Variants in ACTA2 observed in about 807,000 individuals in gnomAD.
The protein encoded by ACTA2 is actin alpha 2, smooth muscle.
In ACTA2, 12 loss-of-function variants were observed where a neutral mutation model predicts 39.5. That is an observed-to-expected ratio of 0.30 (90% CI 0.19 to 0.49). The LOEUF is 0.49. Ranked by LOEUF, ACTA2 falls within the 20% of genes least tolerant of loss-of-function variation. The pLI is 0.99. For synonymous variants in ACTA2, 158 were observed against 180.6 expected, an observed-to-expected ratio of 0.88 and a Z score of 1.00; for missense variants, 236 against 498.8, an observed-to-expected ratio of 0.47 and a Z score of 5.02.
At chr10:88,977,276 C>T (rs910036359) in intron 1 of ACTA2, among the ~76,000 whole-genome samples, 1 of 151,490 alleles carries the variant, frequency 6.6e-6, no homozygotes, top group Admixed American at 6.6e-5. Flanking sequence ...AGGTTTTCTT[C>T]TAGGGTTTTT....
intron 8 of ACTA2, among the ~76,000 whole-genome samples, 177 bp downstream of exon 8, chr10:88,937,884 T>C (rs1254257399): frequency 6.6e-6 from 1 of 152,152 alleles, no homozygotes; most frequent in Non-Finnish European, 1.5e-5. Flanking sequence ...GTAACTCAAT[T>C]TTTCTTATGA....
At chr10:88,965,824 C>T (rs1266449178) in intron 1 of ACTA2, among the ~76,000 whole-genome samples, 1 of 152,154 alleles carries the variant, frequency 6.6e-6, no homozygotes, top group Non-Finnish European at 1.5e-5. Flanking sequence ...GGCTGATTTG[C>T]TTTTAACTAA....
chr10:88,968,427 T>G (rs1846361202), intron 1 of ACTA2, among the ~76,000 whole-genome samples: 1 of 152,118 alleles, frequency 6.6e-6, no homozygotes, highest in African/African-American at 2.4e-5. Flanking sequence ...ATGTTTGTTT[T>G]CCTGAATCCA....
At chr10:88,944,392 T>G (rs1183488590) in intron 3 of ACTA2, among the ~76,000 whole-genome samples, 1 of 152,236 alleles carries the variant, frequency 6.6e-6, no homozygotes, top group Non-Finnish European at 1.5e-5. Flanking sequence ...GTTATTATTA[T>G]TCAACTCTAT....
intron 1 of ACTA2, among the ~76,000 whole-genome samples, chr10:88,980,897 C>T (rs1846694615): frequency 6.6e-6 from 1 of 152,180 alleles, no homozygotes; most frequent in Non-Finnish European, 1.5e-5. Context: ...TCACTCCCTC[C>T]TCAAAAGTGC....
At chr10:88,983,584 G>A (rs7910825) in intron 1 of ACTA2, among the ~76,000 whole-genome samples, 72,892 of 127,356 alleles carry the variant, frequency 0.57, 21,461 homozygotes, top group African/African-American at 0.78. Flanking sequence ...GGAGTTGTAA[G>A]GTTTAGATAA....
chr10:88,962,977 A>C lies in ACTA2; in HGVS notation c.-23-14024T>G, dbSNP rs746740308. ...TATATATATATATATATATATATATAATATTTTTTTTTTTGCAAAAAGGCA... is the reference window on the plus strand; with the variant it reads ...TATATATATATATATATATATATATCATATTTTTTTTTTTGCAAAAAGGCA... On this transcript the variant is annotated intron_variant, in intron 1 of 4. Coordinates refer to the ACTA2 transcript ENST00000415557. Among the ~76,000 whole-genome samples the C allele has an allele frequency of 5.1e-3, 395 of 78,102 alleles. 8 individuals are homozygous for C. In the Middle Eastern group the frequency reaches 0.052, roughly 10 times the overall value. 51.2% of individuals were successfully genotyped at this position (78,102 alleles called of 152,430 possible).
chr10:88,941,710 C>G lies in ACTA2; in HGVS notation c.454+75G>C, dbSNP rs955996837. 7 of 1,322,778 alleles carry G rather than the reference C, an allele frequency of 5.3e-6. No homozygotes were observed. In the Admixed American group the frequency reaches 9.6e-5, roughly 18 times the overall value. 81.9% of individuals were successfully genotyped at this position (1,322,778 alleles called of 1,614,324 possible). On this transcript the variant is annotated intron_variant, in intron 5 of 8. Transcript: ENST00000224784. ...TAACTCAACTCCAGTCCGTCACCCC[C>G]ACGTGTTAACGACCATTCAATCCCA...
At chr10:88,957,993 C>G (rs1401715588) in intron 1 of ACTA2, among the ~76,000 whole-genome samples, 1 of 152,106 alleles carries the variant, frequency 6.6e-6, no homozygotes, top group Non-Finnish European at 1.5e-5. Flanking sequence ...ATCTCGAACT[C>G]CTGACCTCGT....
chr10:88,941,980 G>T, intron 4 of ACTA2, 111 bp from the exon 5 acceptor site: 1 of 976,158 alleles, frequency 1.0e-6, no homozygotes, highest in Non-Finnish European at 1.6e-6. Context: ...GTTCTGGGCA[G>T]AGGAGGCCAA....
chr10:88,948,425 C>A, intron 2 of ACTA2: 1 of 269,022 alleles, frequency 3.7e-6, no homozygotes. Flanking sequence ...TAACATCAGC[C>A]CTGTATGGTT....
At chr10:88,966,975 C>T (rs1219851471) in intron 1 of ACTA2, among the ~76,000 whole-genome samples, 1 of 152,188 alleles carries the variant, frequency 6.6e-6, no homozygotes, top group Non-Finnish European at 1.5e-5. Context: ...AGCAACACGG[C>T]TCAAACAGCG....
rs767171866 is a variant in ACTA2 at position 88,938,280 on chromosome 10, A to G, written c.809-38T>C. ...CACAGGCCATGGTCCTTAAGTGGAGAGTAAAACCCAGGCTAGACATGGAAG... is the reference window on the plus strand; with the variant it reads ...CACAGGCCATGGTCCTTAAGTGGAGGGTAAAACCCAGGCTAGACATGGAAG... On this transcript the variant is annotated intron_variant, in intron 7 of 8. Coordinates refer to ENST00000224784, the MANE Select transcript of ACTA2 (RefSeq NM_001613.4). 6 of 1,610,884 alleles carry G rather than the reference A, an allele frequency of 3.7e-6. No individual in the cohort carries two copies. In the Admixed American group the frequency reaches 5.0e-5, roughly 13 times the overall value.
chr10:88,937,581 G>T (rs1415113859), intron 8 of ACTA2, among the ~76,000 whole-genome samples: 1 of 152,174 alleles, frequency 6.6e-6, no homozygotes, highest in Non-Finnish European at 1.5e-5. Flanking sequence ...GTGCTAGACA[G>T]AGGAATGAGG....
In ACTA2 at chr10:88,990,556, T is replaced by C. The variant is rs1007677930; in HGVS notation, c.-24+383A>G. 1 of 638,398 alleles carries C rather than the reference T, an allele frequency of 1.6e-6. No individual in the cohort carries two copies. Among genetic ancestry groups the C allele is most frequent in the Non-Finnish European group, 2.9e-6 (1 of 344,768 alleles). The allele number at this position is 638,398 out of a possible 1,614,324, so 39.5% of individuals were successfully genotyped here. ...CCTACCCGCGCGCAGGCCAAGTTGC[T>C]GAATCAATGGAGCCCTCCCCAACCC... On this transcript the variant is annotated intron_variant, in intron 1 of 4. Coordinates refer to the ACTA2 transcript ENST00000415557. The surrounding 1 kb of genome is among the most constrained non-coding windows in gnomAD (Gnocchi z 4.9).
chr10:88,947,177 C>T (rs1361212251), intron 3 of ACTA2, 81 bp downstream of exon 3: 30 of 1,574,858 alleles, frequency 1.9e-5, no homozygotes, highest in Non-Finnish European at 2.2e-5. Context: ...GTTATTTCCC[C>T]AGCAGTAGTG....
intron 1 of ACTA2, among the ~76,000 whole-genome samples, chr10:88,952,453 G>A (rs879340100): frequency 5.3e-5 from 8 of 152,130 alleles, no homozygotes; most frequent in African/African-American, 1.4e-4. Flanking sequence ...CAAGATCTGG[G>A]CTGTTTGTTT....
Position 88,990,470 on chromosome 10 carries a change from A to G in ACTA2, c.-24+469T>C, listed in dbSNP as rs1031756157. On this transcript the variant is annotated intron_variant, in intron 1 of 4. Transcript: ENST00000415557. The surrounding 1 kb of genome is among the most constrained non-coding windows in gnomAD (Gnocchi z 4.9). ...CCAGCCACTGCAGGAACGCCCCGGGACAGGAATGCCCATTTGTGCAACGAA... is the reference window on the plus strand; with the variant it reads ...CCAGCCACTGCAGGAACGCCCCGGGGCAGGAATGCCCATTTGTGCAACGAA... 1.9e-4 allele frequency: 99 copies of G among 533,126 alleles called. No individual in the cohort carries two copies. The highest frequency in any genetic ancestry group is 1.0e-4 in the Non-Finnish European group (29 of 278,816). The allele number at this position is 533,126 out of a possible 1,614,324, so 33.0% of individuals were successfully genotyped here. A position where few individuals can be genotyped will look rare whatever the true frequency, so the allele number is the denominator to read the frequency against.
In ACTA2 at chr10:88,937,867, A is replaced by T. The variant is rs1845771634; in HGVS notation, c.990+194T>A. The stretch of plus-strand genomic sequence containing the variant: ...CAAGGATAAATAGAGATCAAATTTT[A>T]TATAAAGTAACTCAATTTTTCTTAT... On this transcript the variant is annotated intron_variant, in intron 8 of 8. Coordinates refer to ENST00000224784, the MANE Select transcript of ACTA2 (RefSeq NM_001613.4). Among the ~76,000 whole-genome samples, 6 of 152,204 alleles carry T rather than the reference A, an allele frequency of 3.9e-5. No individual in the cohort carries two copies. The South Asian group carries it at 1.2e-3, about 31-fold the overall frequency.
Sources: allele counts gnomAD v4.1 joint callset (sites outside exome capture counted in the v4.1 genomes callset), GRCh38; gene constraint gnomAD v4.1.1; non-coding constraint Gnocchi (gnomAD v3.1); transcripts MANE v1.5; gene names NCBI Gene and HGNC (gene_info 2026-07-23, HGNC 2026-07-21).